CDH12: variants seen among roughly 807,000 people sequenced by gnomAD.
CDH12 encodes the protein cadherin-12.
Under a neutral mutation model 74.1 loss-of-function variants are expected in CDH12, and 41 were observed. That is an observed-to-expected ratio of 0.55 (90% CI 0.43 to 0.72). The LOEUF is 0.72. Among genes scored for constraint, CDH12 ranks in the 30% least tolerant of loss-of-function variants. The pLI, the probability that CDH12 is intolerant of heterozygous loss-of-function variation, is 0.00. For synonymous variants in CDH12, 399 were observed against 355.0 expected (o/e 1.12, Z -1.39); for missense variants, 945 against 977.2 (o/e 0.97, Z 0.44).
chr5:22,837,557 A>G (rs1736886138), intron 1 of CDH12, among the ~76,000 whole-genome samples: 1 of 152,238 alleles, frequency 6.6e-6, no homozygotes, highest in Non-Finnish European at 1.5e-5. Flanking sequence ...AAACACCAAT[A>G]GGTTGTTGAC....
At chr5:22,399,299 T>C (rs1478433128) in intron 3 of CDH12, among the ~76,000 whole-genome samples, 1 of 152,092 alleles carries the variant, frequency 6.6e-6, no homozygotes, top group Non-Finnish European at 1.5e-5. Context: ...GATGTATATG[T>C]GGCAGCAAGG....
Position 21,975,323 on chromosome 5 carries a change from A to T in CDH12, c.294T>A (p.Ala98=). The change falls in exon 6 of 15, where the codon GCT becomes GCA. Residue 98 remains alanine, a synonymous_variant. Coordinates refer to ENST00000382254, the MANE Select transcript of CDH12 (RefSeq NM_004061.5). ...TTTCATCAATGGTAAAAACGGTGCC[A>T]GCGCCATCTCCTGAGAGGGTGTATT... ...TVKYTLSGDG[A]GTVFTIDETT... The T allele has an allele frequency of 6.3e-7, 1 of 1,597,294 alleles. No individual in the cohort carries two copies. The highest frequency in any genetic ancestry group is 8.5e-7 in the Non-Finnish European group (1 of 1,179,590).
chr5:21,854,892 G>T (rs570261864), intron 6 of CDH12, 102 bp from the exon 7 acceptor site: 1 of 999,058 alleles, frequency 1.0e-6, no homozygotes, highest in African/African-American at 1.6e-5. Context: ...TTTGACCTAC[G>T]TCAAGTACAC....
At chr5:22,428,436 T>C (rs1055809266) in intron 2 of CDH12, among the ~76,000 whole-genome samples, 1 of 149,592 alleles carries the variant, frequency 6.7e-6, no homozygotes, top group African/African-American at 2.5e-5. Context: ...GGAATACACA[T>C]ATATATATAT....
In CDH12 at chr5:22,201,247, C is replaced by T. The variant is rs116519883; in HGVS notation, c.-187+11251G>A. ...AAAGATGTGGAATCAACCTAAGTTT[C>T]CATATCTTAAGATATCCAAGATACG... On this transcript the variant is annotated intron_variant, in intron 4 of 14. Transcript: ENST00000382254. 6.5e-3 allele frequency among the ~76,000 whole-genome samples: 993 copies of T among 152,226 alleles called. 10 individuals are homozygous for T. Among genetic ancestry groups the T allele is most frequent in the African/African-American group, 0.023 (953 of 41,534 alleles).
At chr5:22,355,685 A>ATCAC (rs1449543716) in intron 3 of CDH12, among the ~76,000 whole-genome samples, 2 of 152,104 alleles carry the variant, frequency 1.3e-5, no homozygotes, top group Non-Finnish European at 2.9e-5. Flanking sequence ...CATTCAGATC[A>ATCAC]TCACTCAGTA....
chr5:22,268,524 T>G (rs1295194711), intron 3 of CDH12, among the ~76,000 whole-genome samples: 1 of 152,078 alleles, frequency 6.6e-6, no homozygotes, highest in Non-Finnish European at 1.5e-5. Flanking sequence ...ACATATTAAT[T>G]AAATTGAAGA....
At chr5:22,589,671 T>C (rs1740584650) in intron 1 of CDH12, among the ~76,000 whole-genome samples, 1 of 152,198 alleles carries the variant, frequency 6.6e-6, no homozygotes, top group African/African-American at 2.4e-5. Context: ...CCCACTCACG[T>C]GATTCTCCTC....
chr5:22,035,174 T>C (rs757673288), intron 5 of CDH12, among the ~76,000 whole-genome samples: 1 of 152,160 alleles, frequency 6.6e-6, no homozygotes, highest in Non-Finnish European at 1.5e-5. Context: ...TCAGTCCCTG[T>C]CTTCATTCAC....
At chr5:22,071,455 A>T (rs2150216988) in intron 5 of CDH12, among the ~76,000 whole-genome samples, 1 of 152,284 alleles carries the variant, frequency 6.6e-6, no homozygotes, top group South Asian at 2.1e-4. Context: ...GAACATTTTA[A>T]GTCATTACTT....
At chr5:22,510,663 A>G (rs1163207255) in intron 1 of CDH12, among the ~76,000 whole-genome samples, 1 of 152,138 alleles carries the variant, frequency 6.6e-6, no homozygotes, top group Non-Finnish European at 1.5e-5. Context: ...TCTTTAAATC[A>G]TCTCTAGATT....
chr5:22,221,531 G>A (rs1752014769), intron 3 of CDH12, among the ~76,000 whole-genome samples: 1 of 151,720 alleles, frequency 6.6e-6, no homozygotes, highest in Admixed American at 6.6e-5. Context: ...TGACTTAATG[G>A]CACTCACCTT....
chr5:21,883,413 G>T (rs781778275), intron 6 of CDH12: 13 of 1,569,938 alleles, frequency 8.3e-6, no homozygotes, highest in Non-Finnish European at 1.1e-5. Flanking sequence ...GGTGATAATC[G>T]CTGAAGATGT....
intron 6 of CDH12, among the ~76,000 whole-genome samples, chr5:21,939,968 C>T (rs73059259): frequency 0.17 from 25,605 of 152,022 alleles, 2,573 homozygotes; most frequent in African/African-American, 0.27. Flanking sequence ...CACCTGTAAT[C>T]CCAGCACTTT....
At chr5:22,396,404 AAAG>A (rs1413629691) in intron 3 of CDH12, among the ~76,000 whole-genome samples, 1 of 152,088 alleles carries the variant, frequency 6.6e-6, no homozygotes, top group African/African-American at 2.4e-5. Context: ...GTTTTTGAGA[AAAG>A]AAAAGTGTTC....
intron 6 of CDH12, among the ~76,000 whole-genome samples, chr5:21,973,835 A>G (rs1673448583): frequency 6.6e-6 from 1 of 152,194 alleles, no homozygotes. Flanking sequence ...TTCTAACAAG[A>G]TATGCTTCTT....
chr5:22,683,376 C>A lies in CDH12; in HGVS notation c.-523+169682G>T, dbSNP rs956320060. Among the ~76,000 whole-genome samples, 4 of 152,032 alleles carry A rather than the reference C, an allele frequency of 2.6e-5. No homozygotes were observed. In the South Asian group the frequency reaches 8.3e-4, roughly 32 times the overall value. On this transcript the variant is annotated intron_variant, in intron 1 of 14. Transcript: ENST00000382254. ...AGATTCAGGGTTATTTCAGTCAATA[C>A]TGTTAAATAAGTGTAAACAGTAACT...
At chr5:22,138,235 C>T (rs1746570372) in intron 4 of CDH12, among the ~76,000 whole-genome samples, 1 of 151,852 alleles carries the variant, frequency 6.6e-6, no homozygotes, top group Admixed American at 6.6e-5. Context: ...AGTGTTGCAG[C>T]TTGGCTCAGC....
rs1743152348 is a variant in CDH12, at chr5:22,708,835, A to T, written c.-523+144223T>A. The stretch of plus-strand genomic sequence containing the variant: ...ATTTAGAAAATTATTTGCTTTTATC[A>T]GAGAATCGCAAAAGCACTAGCAGAA... On this transcript the variant is annotated intron_variant, in intron 1 of 14. Coordinates refer to ENST00000382254, the MANE Select transcript of CDH12 (RefSeq NM_004061.5). Among the ~76,000 whole-genome samples, 5 of 152,190 alleles carry T rather than the reference A, an allele frequency of 3.3e-5. No individual in the cohort carries two copies. In the South Asian group the frequency reaches 1.0e-3, roughly 32 times the overall value.
Sources: gnomAD v4.1 joint callset for allele counts (sites outside exome capture counted in the v4.1 genomes callset) on GRCh38, gnomAD v4.1.1 for gene constraint, MANE v1.5 for transcripts, NCBI Gene and HGNC (gene_info 2026-07-23, HGNC 2026-07-21) for gene names.